ITPK1: variants seen among roughly 807,000 people sequenced by gnomAD.
ITPK1 encodes the protein inositol 1,3,4-trisphosphate 5/6-kinase.
ITPK1 carries 21 observed loss-of-function variants against 45.3 expected under a neutral mutation model. That is an observed-to-expected ratio of 0.46 (90% confidence interval 0.33 to 0.67). ITPK1 has a LOEUF of 0.67. Among genes scored for constraint, ITPK1 ranks in the 30% least tolerant of loss-of-function variants. The pLI is 0.02. For synonymous variants in ITPK1, 258 were observed against 253.6 expected (o/e 1.02, Z -0.16); for missense variants, 474 against 573.5 (o/e 0.83, Z 1.77).
chr14:93,055,126 T>C (rs921419294), intron 3 of ITPK1, among the ~76,000 whole-genome samples: 5 of 152,172 alleles, frequency 3.3e-5, no homozygotes, highest in Non-Finnish European at 1.5e-5. Flanking sequence ...ATGGGACTCA[T>C]CCATGGTTCA....
At chr14:93,105,351 G>T (rs1395825988) in intron 2 of ITPK1, among the ~76,000 whole-genome samples, 1 of 152,138 alleles carries the variant, frequency 6.6e-6, no homozygotes, top group Non-Finnish European at 1.5e-5. Context: ...GACAGTTTTG[G>T]GGTAAGGTCT....
chr14:93,063,010 G>A lies in ITPK1; in HGVS notation c.120+13585C>T, dbSNP rs1350717221. ...AAAGCCCTGGCTTAAGGGAGGGCCA[G>A]GCCTGGCATTTGTCAAGATTTAACA... On this transcript the variant is annotated intron_variant, in intron 3 of 10. Transcript: ENST00000267615. The surrounding 1 kb of genome is among the most constrained non-coding windows in gnomAD (Gnocchi z 4.3). 1.3e-5 allele frequency among the ~76,000 whole-genome samples: 2 copies of A among 152,188 alleles called. No individual in the cohort carries two copies. Among genetic ancestry groups the A allele is most frequent in the Non-Finnish European group, 2.9e-5 (2 of 68,028 alleles).
chr14:93,098,189 G>T (rs942479294), intron 2 of ITPK1, among the ~76,000 whole-genome samples: 75 of 151,906 alleles, frequency 4.9e-4, no homozygotes, highest in African/African-American at 1.7e-3. Flanking sequence ...GGGTGCGGTG[G>T]TTCATGCCTG....
At chr14:92,977,825 C>T (rs1412954375) in intron 5 of ITPK1, among the ~76,000 whole-genome samples, 4 of 151,902 alleles carry the variant, frequency 2.6e-5, no homozygotes, top group Non-Finnish European at 5.9e-5. Context: ...ATTACCCAGT[C>T]ACAGGTAGTT....
chr14:92,941,249 C>T lies in ITPK1; in HGVS notation c.*312G>A. 7.4e-7 allele frequency: 1 copy of T among 1,347,996 alleles called. No individual in the cohort carries two copies. Among genetic ancestry groups the T allele is most frequent in the Non-Finnish European group, 9.5e-7 (1 of 1,049,052 alleles). The allele number at this position is 1,347,996 out of a possible 1,614,324, so 83.5% of individuals were successfully genotyped here. On this transcript the variant is annotated 3_prime_UTR_variant, in exon 11 of 11. Coordinates refer to ENST00000267615, the MANE Select transcript of ITPK1 (RefSeq NM_014216.6). Reference sequence around the variant, plus strand: ...ATGTGCACAGACACTGGCATGGCAGCCATACGCACACCCCTCACCTCCCAT... The same window carrying T: ...ATGTGCACAGACACTGGCATGGCAGTCATACGCACACCCCTCACCTCCCAT...
chr14:92,989,531 C>T (rs780569417), intron 5 of ITPK1, among the ~76,000 whole-genome samples: 12 of 152,178 alleles, frequency 7.9e-5, no homozygotes, highest in Non-Finnish European at 1.5e-4. Context: ...CAGCTAGAGC[C>T]GTGCCCAGAA....
intron 2 of ITPK1, among the ~76,000 whole-genome samples, chr14:93,099,341 C>G (rs1892219178): frequency 6.6e-6 from 1 of 152,186 alleles, no homozygotes; most frequent in African/African-American, 2.4e-5. Flanking sequence ...CCTCCCCAAG[C>G]AGGACAGGGT....
chr14:93,016,916 C>T lies in ITPK1; in HGVS notation c.121-115G>A, dbSNP rs1888212436. ...AGAGGACCCTCGAGCCTCCCTGTAG[C>T]ACTCTGGAGATGGGGCAGGAGGAGG... On this transcript the variant is annotated intron_variant, in intron 3 of 10. Transcript: ENST00000267615. The surrounding 1 kb of genome is among the most constrained non-coding windows in gnomAD (Gnocchi z 5.0). 1 of 1,388,174 alleles carries T rather than the reference C, an allele frequency of 7.2e-7. No individual in the cohort carries two copies. The allele number at this position is 1,388,174 out of a possible 1,614,324, so 86.0% of individuals were successfully genotyped here. A position where few individuals can be genotyped will look rare whatever the true frequency, so the allele number is the denominator to read the frequency against.
chr14:93,079,525 C>T (rs1445968070), intron 2 of ITPK1, among the ~76,000 whole-genome samples: 1 of 152,170 alleles, frequency 6.6e-6, no homozygotes, highest in Non-Finnish European at 1.5e-5. Flanking sequence ...AAGGGTGGCA[C>T]CAAGCTGGAA....
chr14:92,993,815 C>G (rs1033554748), intron 5 of ITPK1, 65 bp downstream of exon 5: 1 of 1,004,580 alleles, frequency 1.0e-6, no homozygotes, highest in East Asian at 2.4e-5. Flanking sequence ...CACCTCAGGC[C>G]GTGGCCACTT....
intron 2 of ITPK1, among the ~76,000 whole-genome samples, chr14:93,096,922 A>G (rs1235620415): frequency 4.6e-5 from 7 of 152,234 alleles, no homozygotes; most frequent in Non-Finnish European, 1.0e-4. Context: ...TCAGTCACCC[A>G]CAGAGCCTTC....
At chr14:93,074,222 C>A (rs1316954579) in intron 3 of ITPK1, among the ~76,000 whole-genome samples, 1 of 152,192 alleles carries the variant, frequency 6.6e-6, no homozygotes, top group Non-Finnish European at 1.5e-5. Flanking sequence ...AGTTTGGCTT[C>A]GTTCTGGTCC....
At chr14:93,079,485 G>A (rs1473098920) in intron 2 of ITPK1, among the ~76,000 whole-genome samples, 3 of 152,168 alleles carry the variant, frequency 2.0e-5, no homozygotes, top group African/African-American at 7.2e-5. Flanking sequence ...CCACACCCAC[G>A]TGTTCACCAC....
chr14:92,972,617 C>G (rs1170474943), intron 5 of ITPK1, among the ~76,000 whole-genome samples: 1 of 152,228 alleles, frequency 6.6e-6, no homozygotes, highest in Non-Finnish European at 1.5e-5. Context: ...GAGACAGAGT[C>G]TCACTCTGTC....
intron 5 of ITPK1, among the ~76,000 whole-genome samples, chr14:92,964,834 T>C (rs1434123453): frequency 6.6e-6 from 1 of 152,182 alleles, no homozygotes; most frequent in African/African-American, 2.4e-5. Flanking sequence ...CCCTGGCCCA[T>C]CCAAGCTTTT....
chr14:93,062,025 C>A (rs906954924), intron 3 of ITPK1, among the ~76,000 whole-genome samples: 2 of 152,216 alleles, frequency 1.3e-5, no homozygotes, highest in African/African-American at 4.8e-5. Context: ...AATCCCAACA[C>A]TTTTAGAAGC....
At chr14:93,045,707 G>T (rs760168526) in intron 3 of ITPK1, among the ~76,000 whole-genome samples, 1 of 152,034 alleles carries the variant, frequency 6.6e-6, no homozygotes, top group African/African-American at 2.4e-5. Flanking sequence ...TGCAATCAGA[G>T]AACTAATTAA....
At chr14:92,943,083 G>A (rs773709586) in intron 10 of ITPK1, among the ~76,000 whole-genome samples, 1 of 152,266 alleles carries the variant, frequency 6.6e-6, no homozygotes, top group East Asian at 1.9e-4. Flanking sequence ...GGATGCAGGT[G>A]CCCGCGGTGG....
chr14:93,072,365 A>G (rs1891048091), intron 3 of ITPK1, among the ~76,000 whole-genome samples: 1 of 151,990 alleles, frequency 6.6e-6, no homozygotes, highest in African/African-American at 2.4e-5. Context: ...ATACATCTAT[A>G]CAATGAATGG....
Sources: gnomAD v4.1 joint callset for allele counts (sites outside exome capture counted in the v4.1 genomes callset) on GRCh38, gnomAD v4.1.1 for gene constraint, Gnocchi (gnomAD v3.1) non-coding constraint, MANE v1.5 for transcripts, NCBI Gene and HGNC (gene_info 2026-07-23, HGNC 2026-07-21) for gene names.